CCBE1: variants seen among roughly 807,000 people sequenced by gnomAD.
CCBE1 encodes the protein collagen and calcium-binding EGF domain-containing protein 1.
Under a neutral mutation model 50.0 loss-of-function variants are expected in CCBE1, and 37 were observed. The observed-to-expected ratio is 0.74, with a 90% confidence interval of 0.57 to 0.97. The LOEUF is 0.97. CCBE1 is among the 50% of genes least tolerant of loss of function. The pLI, the probability that CCBE1 is intolerant of heterozygous loss-of-function variation, is 0.00. For missense variants in CCBE1, 538 were observed against 523.8 expected (o/e 1.03, Z -0.26); for synonymous variants, 234 against 203.7 (o/e 1.15, Z -1.27).
chr18:59,569,157 C>T (rs935719779), intron 2 of CCBE1, among the ~76,000 whole-genome samples: 1 of 152,204 alleles, frequency 6.6e-6, no homozygotes, highest in Non-Finnish European at 1.5e-5. Context: ...GTCTGGCTCT[C>T]CCTCCAGCAA....
intron 2 of CCBE1, among the ~76,000 whole-genome samples, chr18:59,672,712 G>T (rs1049398458): frequency 1.3e-5 from 2 of 152,182 alleles, no homozygotes; most frequent in African/African-American, 4.8e-5. Context: ...GTGAGCAAGA[G>T]AATAATTTTT....
At chr18:59,668,599 T>C (rs1335984303) in intron 2 of CCBE1, among the ~76,000 whole-genome samples, 1 of 152,076 alleles carries the variant, frequency 6.6e-6, no homozygotes, top group African/African-American at 2.4e-5. Flanking sequence ...TGTACTCTTA[T>C]CATTGCACAT....
chr18:59,683,824 G>A (rs905183403), intron 2 of CCBE1, among the ~76,000 whole-genome samples: 1 of 152,004 alleles, frequency 6.6e-6, no homozygotes, highest in Non-Finnish European at 1.5e-5. Flanking sequence ...GCTGCAAGCT[G>A]GGGTGTCCCT....
chr18:59,529,973 A>G (rs867013094), intron 2 of CCBE1, among the ~76,000 whole-genome samples: 4 of 152,240 alleles, frequency 2.6e-5, no homozygotes, highest in African/African-American at 9.6e-5. Flanking sequence ...AGGGCTCATT[A>G]AAACAAAGTT....
intron 2 of CCBE1, among the ~76,000 whole-genome samples, chr18:59,583,680 TGCGCGCGCGCGC>T (rs35460738): frequency 3.2e-4 from 19 of 59,416 alleles, no homozygotes; most frequent in South Asian, 6.1e-4. Context: ...TGTGTGTGTG[TGCGCGCGCGCGC>T]GCGCGCGCGT....
intron 2 of CCBE1, among the ~76,000 whole-genome samples, chr18:59,654,205 C>T (rs571902254): frequency 6.6e-6 from 1 of 152,264 alleles, no homozygotes; most frequent in South Asian, 2.1e-4. Context: ...TTCTCTCTGG[C>T]CAGCCTGGTA....
chr18:59,695,343 C>T (rs555645152), intron 2 of CCBE1, among the ~76,000 whole-genome samples: 1 of 152,342 alleles, frequency 6.6e-6, no homozygotes, highest in East Asian at 1.9e-4. Context: ...TGACCTTGCT[C>T]ACCCAGTTAG....
chr18:59,462,910 A>G (rs752267012), intron 5 of CCBE1, among the ~76,000 whole-genome samples: 4 of 152,222 alleles, frequency 2.6e-5, no homozygotes, highest in Non-Finnish European at 4.4e-5. Context: ...AACGCAAATA[A>G]TACTAGAGAA....
intron 2 of CCBE1, among the ~76,000 whole-genome samples, chr18:59,673,556 C>T (rs1051528230): frequency 6.6e-6 from 1 of 152,196 alleles, no homozygotes; most frequent in Non-Finnish European, 1.5e-5. Flanking sequence ...ATACTTCTTA[C>T]AATCATTGTT....
chr18:59,563,248 A>G (rs1309411693), intron 2 of CCBE1, among the ~76,000 whole-genome samples: 1 of 152,198 alleles, frequency 6.6e-6, no homozygotes. Context: ...TTGTTAGAAT[A>G]CATGTGGATG....
At chr18:59,588,117 A>G (rs1202510093) in intron 2 of CCBE1, among the ~76,000 whole-genome samples, 3 of 152,250 alleles carry the variant, frequency 2.0e-5, no homozygotes, top group African/African-American at 7.2e-5. Flanking sequence ...TAAAATTTAC[A>G]TAGCTCAAAG....
At chr18:59,441,961 T>C (rs987304140) in intron 7 of CCBE1, among the ~76,000 whole-genome samples, 2 of 152,184 alleles carry the variant, frequency 1.3e-5, no homozygotes, top group Non-Finnish European at 2.9e-5. Context: ...CTCCTCAGCA[T>C]AGTATCCTTG....
chr18:59,547,226 G>C (rs561722257), intron 2 of CCBE1, among the ~76,000 whole-genome samples: 70 of 151,990 alleles, frequency 4.6e-4, no homozygotes, highest in Non-Finnish European at 1.2e-4. Flanking sequence ...AGGCTAAGGC[G>C]GGCAGATCAC....
intron 2 of CCBE1, among the ~76,000 whole-genome samples, chr18:59,624,320 C>T (rs1242547265): frequency 6.6e-6 from 1 of 152,200 alleles, no homozygotes; most frequent in African/African-American, 2.4e-5. Context: ...ATGCTTGGGA[C>T]TCTGCTGCAA....
intron 7 of CCBE1, among the ~76,000 whole-genome samples, chr18:59,446,905 A>C (rs1910696627): frequency 6.6e-6 from 1 of 152,250 alleles, no homozygotes; most frequent in Admixed American, 6.5e-5. Context: ...ACTGCTAAGC[A>C]ATGATAGCCA....
At chr18:59,448,705 A>G (rs938110125) in intron 6 of CCBE1, among the ~76,000 whole-genome samples, 8 of 152,202 alleles carry the variant, frequency 5.3e-5, no homozygotes. Context: ...CCTTTCATAT[A>G]CACATGTATC....
chr18:59,622,198 C>T (rs142945695), intron 2 of CCBE1, among the ~76,000 whole-genome samples: 78 of 152,328 alleles, frequency 5.1e-4, no homozygotes, highest in African/African-American at 1.7e-3. Context: ...GCAGGGCCAA[C>T]ATGAGGCTGC....
rs1177162381 is a variant in CCBE1, at chr18:59,431,673, G to A, written c.*4235C>T. On this transcript the variant is annotated 3_prime_UTR_variant, in exon 11 of 11. Transcript: ENST00000439986. ...GATGGCCAAAGCCAGGGTGCTCTTC[G>A]CTGGTATTTGGTGGGGTAATACTCA... 6.6e-6 allele frequency: 1 copy of A among 152,242 alleles called. No homozygotes were observed. The highest frequency in any genetic ancestry group is 1.5e-5 in the Non-Finnish European group (1 of 68,066). The allele number at this position is 152,242 out of a possible 1,614,324, so 9.4% of individuals were successfully genotyped here.
intron 2 of CCBE1, among the ~76,000 whole-genome samples, chr18:59,694,425 GCTAA>G (rs2054778290): frequency 1.8e-5 from 2 of 109,682 alleles, no homozygotes; most frequent in Non-Finnish European, 3.7e-5. Flanking sequence ...AGGTAGGAGA[GCTAA>G]CTGTTTGGTC....
Sources: allele counts gnomAD v4.1 joint callset (sites outside exome capture counted in the v4.1 genomes callset), GRCh38; gene constraint gnomAD v4.1.1; transcripts MANE v1.5; gene names NCBI Gene and HGNC (gene_info 2026-07-23, HGNC 2026-07-21).